Variants in PITPNM2 observed in about 807,000 individuals in gnomAD.
The protein encoded by PITPNM2 is phosphatidylinositol transfer protein membrane associated 2, also known as membrane-associated phosphatidylinositol transfer protein 2.
A neutral mutation model predicts 132.2 loss-of-function variants in PITPNM2; 35 were observed. The observed-to-expected ratio is 0.26, with a 90% CI of 0.20 to 0.35. The LOEUF (loss-of-function observed/expected upper bound fraction) is 0.35, where lower values mean the gene tolerates loss of function less well. Among genes scored for constraint, PITPNM2 ranks in the 10% least tolerant of loss-of-function variants. The pLI, the probability that PITPNM2 is intolerant of heterozygous loss-of-function variation, is 1.00. For missense variants in PITPNM2, 1,332 were observed against 1,912.0 expected (o/e 0.70, Z 5.66); for synonymous variants, 738 against 799.2 (o/e 0.92, Z 1.29).
intron 2 of PITPNM2, among the ~76,000 whole-genome samples, chr12:123,093,012 C>T (rs2042310744): frequency 6.6e-6 from 1 of 152,188 alleles, no homozygotes; most frequent in South Asian, 2.1e-4. Context: ...AAAATGTGGT[C>T]TTATACACAC....
At chr12:122,995,020 C>T (rs1332706716) in intron 14 of PITPNM2, 41 bp from the exon 15 acceptor site, 6 of 1,516,154 alleles carry the variant, frequency 4.0e-6, no homozygotes, top group Admixed American at 2.0e-5. Flanking sequence ...GTGGGTGCAG[C>T]TGCCATCATC....
chr12:123,132,602 C>T (rs1271806245), intron 1 of PITPNM2, among the ~76,000 whole-genome samples: 2 of 151,792 alleles, frequency 1.3e-5, no homozygotes, highest in African/African-American at 4.8e-5. Flanking sequence ...TGTACAACCA[C>T]CACCACTATC....
At position 123,036,980 on chromosome 12, in the gene PITPNM2, G is replaced by A. The variant is rs939574509; in HGVS notation, c.-95-2295C>T. Among the ~76,000 whole-genome samples the A allele has an allele frequency of 1.3e-5, 2 of 152,236 alleles. No homozygotes were observed. Among genetic ancestry groups the A allele is most frequent in the Admixed American group, 6.5e-5 (1 of 15,290 alleles). On this transcript the variant is annotated intron_variant, in intron 2 of 25. Coordinates refer to ENST00000320201, the MANE Select transcript of PITPNM2 (RefSeq NM_020845.3). The surrounding 1 kb of genome is among the most constrained non-coding windows in gnomAD (Gnocchi z 4.1). ...TCAAGGTCAATGGGTCTAGCTAACA[G>A]CCCATGGGACCTGCAAGTTTAGGGC...
At chr12:123,026,755 G>T (rs975585796) in intron 3 of PITPNM2, among the ~76,000 whole-genome samples, 8 of 152,206 alleles carry the variant, frequency 5.3e-5, no homozygotes, top group Admixed American at 2.0e-4. Context: ...CATCCTGTGC[G>T]GTCTAGGGAG....
chr12:123,045,174 T>G (rs533271080), intron 2 of PITPNM2, among the ~76,000 whole-genome samples: 1 of 152,182 alleles, frequency 6.6e-6, no homozygotes, highest in Non-Finnish European at 1.5e-5. Context: ...CATTCAAACA[T>G]GCAAGTTATA....
chr12:123,147,153 G>A (rs780487250), intron 1 of PITPNM2, among the ~76,000 whole-genome samples: 2 of 152,006 alleles, frequency 1.3e-5, no homozygotes, highest in Non-Finnish European at 2.9e-5. Flanking sequence ...CCCCCTTCAA[G>A]TCCCACTTCT....
chr12:123,125,542 G>T (rs2043118721), intron 1 of PITPNM2, among the ~76,000 whole-genome samples: 1 of 151,890 alleles, frequency 6.6e-6, no homozygotes, highest in Non-Finnish European at 1.5e-5. Flanking sequence ...ATAGCAGAAC[G>T]CAAAGAAAAT....
chr12:123,004,791 T>C lies in PITPNM2; in HGVS notation c.953-302A>G, dbSNP rs2038852600. On this transcript the variant is annotated intron_variant, in intron 7 of 25. Coordinates refer to ENST00000320201, the MANE Select transcript of PITPNM2 (RefSeq NM_020845.3). This position sits in a 1 kb window ranked among gnomAD's most constrained non-coding sequence, Gnocchi z 4.9. ...AGGCCTGGGTCCACTCCTGGGCCTC[T>C]GACCTGAGTCTGACCAAGAGCAAAC... Among the ~76,000 whole-genome samples the C allele has an allele frequency of 2.0e-5, 3 of 152,236 alleles. No homozygotes were observed. The highest frequency in any genetic ancestry group is 2.0e-4 in the Admixed American group (3 of 15,288).
intron 1 of PITPNM2, among the ~76,000 whole-genome samples, chr12:123,133,791 A>AAC (rs536799715): frequency 0.016 from 1,438 of 89,856 alleles, 27 homozygotes; most frequent in African/African-American, 0.036. Flanking sequence ...ATTATTAATG[A>AAC]ACACACACAC....
Position 122,993,472 on chromosome 12 carries a change from T to C in PITPNM2, c.2234-803A>G, listed in dbSNP as rs556150874. Reference sequence around the variant, plus strand: ...TGCTATGCCTTCTGAACTTTGCCTTTTCCTCCCATTTAACACAAAAAATGT... The same window carrying C: ...TGCTATGCCTTCTGAACTTTGCCTTCTCCTCCCATTTAACACAAAAAATGT... On this transcript the variant is annotated intron_variant, in intron 15 of 25. Transcript: ENST00000320201. The surrounding 1 kb of genome is among the most constrained non-coding windows in gnomAD (Gnocchi z 5.2). Among the ~76,000 whole-genome samples the C allele has an allele frequency of 9.2e-5, 14 of 152,382 alleles. No individual in the cohort carries two copies. Among genetic ancestry groups the C allele is most frequent in the African/African-American group, 3.4e-4 (14 of 41,602 alleles).
At chr12:123,016,040 T>C (rs936964559) in intron 3 of PITPNM2, among the ~76,000 whole-genome samples, 3 of 152,068 alleles carry the variant, frequency 2.0e-5, no homozygotes, top group African/African-American at 4.8e-5. Context: ...AAAACCACAA[T>C]GAGGGCCAAG....
intron 2 of PITPNM2, among the ~76,000 whole-genome samples, chr12:123,044,193 G>A (rs1420964003): frequency 2.0e-5 from 3 of 152,208 alleles, no homozygotes; most frequent in East Asian, 1.9e-4. Flanking sequence ...CTACAAAATC[G>A]TAGGCTGGGG....
intron 1 of PITPNM2, among the ~76,000 whole-genome samples, chr12:123,131,299 C>T (rs1163289747): frequency 6.6e-6 from 1 of 152,102 alleles, no homozygotes; most frequent in Non-Finnish European, 1.5e-5. Context: ...AACCATGTGA[C>T]AACTTAGGCA....
In PITPNM2 at chr12:123,068,486, TAAATAAATAAATAAAA is replaced by T. The variant is rs1396469654; in HGVS notation, c.-95-33817_-95-33802del. ...ATAAATAAATAAATAAATAAATAAA[TAAATAAATAAATAAAA>T]ATAATCCTTGGGCACACCAGCCCTA... On this transcript the variant is annotated intron_variant, in intron 2 of 25. Coordinates refer to ENST00000320201, the MANE Select transcript of PITPNM2 (RefSeq NM_020845.3). 5.7e-3 allele frequency among the ~76,000 whole-genome samples: 451 copies of T among 79,436 alleles called. 2 individuals are homozygous for T. Among genetic ancestry groups the T allele is most frequent in the African/African-American group, 0.012 (433 of 34,672 alleles). 52.1% of individuals were successfully genotyped at this position (79,436 alleles called of 152,430 possible).
Position 123,006,382 on chromosome 12 carries a change from G to T in PITPNM2, c.644-834C>A, listed in dbSNP as rs536292899. 2.6e-5 allele frequency among the ~76,000 whole-genome samples: 4 copies of T among 151,966 alleles called. No individual in the cohort carries two copies. The South Asian group carries it at 6.2e-4, about 24-fold the overall frequency. ...AAATTAAGATGTAGAATAAAGTAAA[G>T]AATATATACCTTTTAAAGTATAAAA... On this transcript the variant is annotated intron_variant, in intron 6 of 25. Transcript: ENST00000320201.
chr12:122,994,794 C>A lies in PITPNM2; in HGVS notation c.2233+7G>T. On this transcript the variant is annotated splice_region_variant and intron_variant, in intron 15 of 25. Coordinates refer to ENST00000320201, the MANE Select transcript of PITPNM2 (RefSeq NM_020845.3). The surrounding 1 kb of genome is among the most constrained non-coding windows in gnomAD (Gnocchi z 5.4). ...TACCCCCCATCCTGCCCCTGCTGGG[C>A]TCTCACCATCCAGGGCTGGGATGAC... is the stretch of plus-strand genomic sequence containing the variant. 1 of 1,606,584 alleles carries A rather than the reference C, an allele frequency of 6.2e-7. No homozygotes were observed. Among genetic ancestry groups the A allele is most frequent in the Non-Finnish European group, 8.5e-7 (1 of 1,178,332 alleles).
In PITPNM2 at chr12:123,010,086, A is replaced by G. The variant is rs2039119008; in HGVS notation, c.416-9T>C. ...GACAATGTCGATGAAGTCTGTGGGT[A>G]AACCCTTAGAGTGGCCACTTCTGCC... On this transcript the variant is annotated splice_polypyrimidine_tract_variant and intron_variant, in intron 5 of 25. Coordinates refer to ENST00000320201, the MANE Select transcript of PITPNM2 (RefSeq NM_020845.3). The G allele has an allele frequency of 8.7e-6, 14 of 1,608,258 alleles. No individual in the cohort carries two copies. Among genetic ancestry groups the G allele is most frequent in the Non-Finnish European group, 1.2e-5 (14 of 1,174,946 alleles).
At chr12:123,076,847 G>A (rs938400071) in intron 2 of PITPNM2, among the ~76,000 whole-genome samples, 3 of 152,060 alleles carry the variant, frequency 2.0e-5, no homozygotes, top group Non-Finnish European at 4.4e-5. Flanking sequence ...TGCTAAATCC[G>A]GTTTCTTTGG....
At chr12:123,118,622 G>A (rs182344909) in intron 1 of PITPNM2, among the ~76,000 whole-genome samples, 4 of 152,322 alleles carry the variant, frequency 2.6e-5, no homozygotes, top group South Asian at 4.1e-4. Context: ...GAATGTCCAC[G>A]GGGCCAGTGT....
Sources: gnomAD v4.1 joint callset for allele counts (sites outside exome capture counted in the v4.1 genomes callset) on GRCh38, gnomAD v4.1.1 for gene constraint, Gnocchi (gnomAD v3.1) non-coding constraint, MANE v1.5 for transcripts, NCBI Gene and HGNC (gene_info 2026-07-23, HGNC 2026-07-21) for gene names.